Variants in FSIP2 observed in about 807,000 individuals in gnomAD.
FSIP2 encodes the protein fibrous sheath-interacting protein 2.
A neutral mutation model predicts 510.5 loss-of-function variants in FSIP2; 367 were observed. The observed-to-expected ratio is 0.72, with a 90% CI of 0.66 to 0.78. FSIP2 has a LOEUF of 0.78. FSIP2 is among the 30% of genes least tolerant of loss of function. FSIP2 has a pLI of 0.00. For missense variants in FSIP2, 7,594 were observed against 7,901.7 expected (o/e 0.96, Z 1.48); for synonymous variants, 2,601 against 2,732.2 (o/e 0.95, Z 1.50).
intron 18 of FSIP2, 63 bp from the exon 19 acceptor site, chr2:185,815,308 C>T: frequency 1.3e-6 from 1 of 773,986 alleles, no homozygotes. Context: ...CAAAAAATGC[C>T]ATAAGGTAAG....
intron 10 of FSIP2, 57 bp downstream of exon 10, chr2:185,761,160 T>C (rs1692342766): frequency 1.1e-5 from 7 of 654,360 alleles, no homozygotes; most frequent in Non-Finnish European, 1.0e-5. Context: ...CTACTTAACT[T>C]TTATTTCTAT....
Position 185,794,992 on chromosome 2 carries a change from C to T in FSIP2, c.7856C>T (p.Thr2619Ile), listed in dbSNP as rs866128005. ...DSQNISVMEN[T>I]LLPYLPLQVK... ...CAAAATATCTCTGTGATGGAAAACA[C>T]TCTTTTGCCATATTTACCATTGCAA... The change falls in exon 16 of 23, where the codon ACT becomes ATT. Residue 2619 changes from threonine to isoleucine, a missense_variant. Coordinates refer to ENST00000424728, the MANE Select transcript of FSIP2 (RefSeq NM_173651.4). 3 of 1,533,838 alleles carry T rather than the reference C, an allele frequency of 2.0e-6. No individual in the cohort carries two copies. The highest frequency in any genetic ancestry group is 3.9e-5 in the Admixed American group (2 of 50,778).
intron 13 of FSIP2, among the ~76,000 whole-genome samples, chr2:185,775,440 G>A (rs2105583275): frequency 6.6e-6 from 1 of 151,218 alleles, no homozygotes; most frequent in East Asian, 2.0e-4. Flanking sequence ...TTTTTTTCTT[G>A]TAAATTTGTT....
At position 185,789,595 on chromosome 2, in the gene FSIP2, C is replaced by T. The variant is rs1392704139; in HGVS notation, c.2459C>T (p.Ala820Val). 1 of 1,534,770 alleles carries T rather than the reference C, an allele frequency of 6.5e-7. No homozygotes were observed. The highest frequency in any genetic ancestry group is 8.7e-7 in the Non-Finnish European group (1 of 1,145,928). The change falls in exon 16 of 23, where the codon GCA becomes GTA. Residue 820 changes from alanine to valine, a missense_variant. Ala to Val is a moderately conservative substitution (Grantham distance 64). Coordinates refer to ENST00000424728, the MANE Select transcript of FSIP2 (RefSeq NM_173651.4). ...PHTLDPMCDI[A>V]EDMVHAILEK... ...ACTTTGGACCCAATGTGTGATATTG[C>T]AGAGGACATGGTGCATGCCATTTTA...
In FSIP2 at chr2:185,789,172, C is replaced by T. The variant is rs1693058319; in HGVS notation, c.2036C>T (p.Thr679Ile). The T allele has an allele frequency of 1.4e-5, 21 of 1,534,684 alleles. No individual in the cohort carries two copies. The highest frequency in any genetic ancestry group is 1.8e-5 in the Non-Finnish European group (21 of 1,145,808). The change falls in exon 16 of 23, where the codon ACA becomes ATA. Residue 679 changes from threonine to isoleucine, a missense_variant. By Grantham distance (89) the Thr-to-Ile change is moderately conservative (BLOSUM62 -1). Coordinates refer to ENST00000424728, the MANE Select transcript of FSIP2 (RefSeq NM_173651.4). ...SLGSSLHCDK[T>I]AKAMDEMKNL... Reference sequence around the variant, plus strand: ...GGGAGTTCATTGCATTGTGATAAAACAGCAAAAGCCATGGATGAAATGAAG... The same window carrying T: ...GGGAGTTCATTGCATTGTGATAAAATAGCAAAAGCCATGGATGAAATGAAG...
rs780350491 is a variant in FSIP2 at position 185,808,983 on chromosome 2, G to A, written c.19677G>A (p.Leu6559=). The change falls in exon 17 of 23, where the codon TTG becomes TTA. Residue 6559 remains leucine, a synonymous_variant. Transcript: ENST00000424728. The part of the protein sequence containing the change: ...QPLEKLKQEC[L]KRTGHSIAEL... ...TTGAGAAACTTAAGCAGGAGTGTTT[G>A]AAAAGAACTGGACATAGCATAGCAG... 1.9e-6 allele frequency: 3 copies of A among 1,612,530 alleles called. No homozygotes were observed. Among genetic ancestry groups the A allele is most frequent in the East Asian group, 2.2e-5 (1 of 44,682 alleles).
chr2:185,816,970 A>G (rs1335522193), intron 19 of FSIP2, among the ~76,000 whole-genome samples: 3 of 105,826 alleles, frequency 2.8e-5, no homozygotes, highest in Non-Finnish European at 6.4e-5. Context: ...GAAGAAGGAA[A>G]GAAAAAAAGA....
rs368632994 is a variant in FSIP2, at chr2:185,751,461, C to CTCTGTG, written c.871-2260_871-2259insCTGTGT. ...AGACCAAATTTGGGTCTTTATTTTT[C>CTCTGTG]TGTGTGTGTGTGTGTGTGTGTGTGT... On this transcript the variant is annotated intron_variant, in intron 7 of 22. Coordinates refer to ENST00000424728, the MANE Select transcript of FSIP2 (RefSeq NM_173651.4). Among the ~76,000 whole-genome samples the CTCTGTG allele has an allele frequency of 4.8e-3, 650 of 135,872 alleles. 5 individuals are homozygous for CTCTGTG. The highest frequency in any genetic ancestry group is 0.015 in the African/African-American group (563 of 36,946). 89.1% of individuals were successfully genotyped at this position (135,872 alleles called of 152,430 possible). A position where few individuals can be genotyped will look rare whatever the true frequency, so the allele number is the denominator to read the frequency against.
Position 185,802,041 on chromosome 2 carries a change from A to C in FSIP2, c.12735A>C (p.Gln4245His). The stretch of plus-strand genomic sequence containing the variant: ...GCCGAAGCCCAATTATGATTGACCA[A>C]ATAGCCAGCTTTATCATCCAAGAGA... ...IVSRSPIMID[Q>H]IASFIIQEII... Residue 4245 changes from glutamine to histidine, a missense_variant, in exon 17 of 23, where the codon CAA (glutamine) becomes CAC (histidine). Coordinates refer to ENST00000424728, the MANE Select transcript of FSIP2 (RefSeq NM_173651.4). 6.5e-7 allele frequency: 1 copy of C among 1,532,114 alleles called. No homozygotes were observed. The highest frequency in any genetic ancestry group is 8.7e-7 in the Non-Finnish European group (1 of 1,144,792). The allele number at this position is 1,532,114 out of a possible 1,614,324, so 94.9% of individuals were successfully genotyped here.
At chr2:185,830,905 T>TA (rs1042017012) in intron 21 of FSIP2, among the ~76,000 whole-genome samples, 5 of 151,902 alleles carry the variant, frequency 3.3e-5, no homozygotes, top group Non-Finnish European at 5.9e-5. Context: ...TCCATACTTT[T>TA]AAAAAAAGTT....
intron 21 of FSIP2, among the ~76,000 whole-genome samples, chr2:185,830,854 T>C (rs763887962): frequency 6.6e-6 from 1 of 151,856 alleles, no homozygotes; most frequent in Non-Finnish European, 1.5e-5. Flanking sequence ...TTAAAAAATA[T>C]ACATTAATGT....
At chr2:185,778,433 G>A (rs948116572) in intron 13 of FSIP2, among the ~76,000 whole-genome samples, 3 of 151,956 alleles carry the variant, frequency 2.0e-5, no homozygotes, top group Non-Finnish European at 4.4e-5. Context: ...CAAAAAACTT[G>A]CAATATAATA....
intron 21 of FSIP2, among the ~76,000 whole-genome samples, chr2:185,828,932 C>T (rs1403505836): frequency 6.6e-6 from 1 of 151,812 alleles, no homozygotes; most frequent in Admixed American, 6.6e-5. Context: ...TCAGAACCAA[C>T]TTTTAAAATC....
Position 185,822,335 on chromosome 2 carries a change from T to A in FSIP2, c.20427-2099T>A, listed in dbSNP as rs561404066. 5.9e-5 allele frequency among the ~76,000 whole-genome samples: 9 copies of A among 152,026 alleles called. No homozygotes were observed. In the East Asian group the frequency reaches 1.8e-3, roughly 30 times the overall value. On this transcript the variant is annotated intron_variant, in intron 19 of 22. Transcript: ENST00000424728. ...AAACCCCTGAAGAACACCAAAAAAATTGTTATAACTAATGAATTAATTCAG... is the reference window on the plus strand; with the variant it reads ...AAACCCCTGAAGAACACCAAAAAAAATGTTATAACTAATGAATTAATTCAG...
intron 16 of FSIP2, among the ~76,000 whole-genome samples, chr2:185,798,718 T>A (rs1164736293): frequency 6.6e-6 from 1 of 151,876 alleles, no homozygotes; most frequent in Non-Finnish European, 1.5e-5. Flanking sequence ...ACTCCAGGCA[T>A]GACTTAATTG....
rs1247606081 is a variant in FSIP2 at position 185,794,796 on chromosome 2, G to C, written c.7660G>C (p.Val2554Leu). ...ESVLGKMYLV[V>L]VTSLYENNKS... ...TGTTTTGGGGAAAATGTACTTGGTA[G>C]TTGTGACATCATTATATGAAAATAA... Residue 2554 changes from valine to leucine, a missense_variant, in exon 16 of 23, where the codon GTT becomes CTT. Transcript: ENST00000424728. The C allele has an allele frequency of 1.3e-6, 2 of 1,533,712 alleles. No individual in the cohort carries two copies. Among genetic ancestry groups the C allele is most frequent in the East Asian group, 4.9e-5 (2 of 40,814 alleles).
chr2:185,800,744 G>A lies in FSIP2; in HGVS notation c.11438G>A (p.Cys3813Tyr), dbSNP rs747762199. The change falls in exon 17 of 23, where the codon TGC (cysteine) becomes TAC (tyrosine). Residue 3813 changes from cysteine to tyrosine, a missense_variant. Physicochemically the swap from Cys to Tyr is radical, Grantham distance 194. Coordinates refer to ENST00000424728, the MANE Select transcript of FSIP2 (RefSeq NM_173651.4). Reference sequence around the variant, plus strand: ...CGTAAGGGAGGAATGGACTGTGAATGCCTTCAAGTAGATTACATGTCAGAC... The same window carrying A: ...CGTAAGGGAGGAATGGACTGTGAATACCTTCAAGTAGATTACATGTCAGAC... ...DYRKGGMDCE[C>Y]LQVDYMSDLL... is the part of the protein sequence containing the mutation. The A allele has an allele frequency of 8.7e-5, 134 of 1,533,544 alleles. No individual in the cohort carries two copies. Among genetic ancestry groups the A allele is most frequent in the Non-Finnish European group, 1.7e-5 (20 of 1,145,326 alleles). 95.0% of individuals were successfully genotyped at this position (1,533,544 alleles called of 1,614,324 possible).
chr2:185,806,362 G>T lies in FSIP2; in HGVS notation c.17056G>T (p.Glu5686Ter), dbSNP rs1693577481. ...HVQNVIENIF[E>*]DVLELSSSPE... is the part of the protein sequence containing the mutation. ...TCAAAATGTCATTGAAAATATTTTT[G>T]AAGATGTTTTAGAACTATCTTCTTC... Residue 5686 changes from glutamate (E) to a stop codon, truncating the protein, a stop_gained, in exon 17 of 23, where the codon GAA becomes TAA. Transcript: ENST00000424728. LOFTEE classifies it high-confidence loss of function. 6.2e-7 allele frequency: 1 copy of T among 1,610,250 alleles called. No homozygotes were observed. The highest frequency in any genetic ancestry group is 8.5e-7 in the Non-Finnish European group (1 of 1,178,184).
chr2:185,762,009 A>G lies in FSIP2; in HGVS notation c.1232A>G (p.Asp411Gly). 1 of 1,454,258 alleles carries G rather than the reference A, an allele frequency of 6.9e-7. No homozygotes were observed. Among genetic ancestry groups the G allele is most frequent in the South Asian group, 1.2e-5 (1 of 80,976 alleles). The allele number at this position is 1,454,258 out of a possible 1,614,324, so 90.1% of individuals were successfully genotyped here. ...GTATCTAAAAACTCAAGTATTTTCG[A>G]TGATAGAGGTAAGAAAATAAACAAT... is the stretch of plus-strand genomic sequence containing the variant. ...GMVSKNSSIF[D>G]DRGGINISGQ... The change falls in exon 11 of 23, where the codon GAT becomes GGT. Residue 411 changes from aspartate (D) to glycine (G), a missense_variant. Transcript: ENST00000424728.
Sources: allele counts gnomAD v4.1 joint callset (sites outside exome capture counted in the v4.1 genomes callset), GRCh38; gene constraint gnomAD v4.1.1; transcripts MANE v1.5; gene names NCBI Gene and HGNC (gene_info 2026-07-23, HGNC 2026-07-21).